CAMK1D: variants seen among roughly 807,000 people sequenced by gnomAD.
CAMK1D encodes the protein calcium/calmodulin-dependent protein kinase type 1D.
A neutral mutation model predicts 47.7 loss-of-function variants in CAMK1D; 9 were observed. The ratio of observed to expected loss-of-function variants is 0.19; its 90% CI spans 0.11 to 0.33. CAMK1D has a LOEUF of 0.33. CAMK1D is among the 10% of genes least tolerant of loss of function. The probability of loss-of-function intolerance (pLI) is 1.00; values close to 1 mark genes in which losing one functional copy is unlikely to be tolerated. For missense variants in CAMK1D, 291 were observed against 488.7 expected (o/e 0.60, Z 3.81); for synonymous variants, 184 against 184.9 (o/e 0.99, Z 0.04).
intron 3 of CAMK1D, among the ~76,000 whole-genome samples, chr10:12,748,926 GA>G: frequency 6.6e-6 from 1 of 152,182 alleles, no homozygotes; most frequent in East Asian, 1.9e-4. Context: ...AACAGATGAA[GA>G]AATCTTAAGG....
chr10:12,791,374 T>A, intron 6 of CAMK1D, 141 bp downstream of exon 6: 1 of 665,940 alleles, frequency 1.5e-6, no homozygotes, highest in Non-Finnish European at 2.6e-6. Flanking sequence ...TACAGTTCAG[T>A]GGCATTAAGT....
At chr10:12,615,940 G>C (rs1357092459) in intron 2 of CAMK1D, among the ~76,000 whole-genome samples, 1 of 151,566 alleles carries the variant, frequency 6.6e-6, no homozygotes, top group Non-Finnish European at 1.5e-5. Flanking sequence ...GTGTTTGCAA[G>C]TGTGTTGGTG....
At chr10:12,606,280 A>G (rs1838459760) in intron 2 of CAMK1D, among the ~76,000 whole-genome samples, 1 of 152,124 alleles carries the variant, frequency 6.6e-6, no homozygotes, top group Non-Finnish European at 1.5e-5. Context: ...CCTACTAGGG[A>G]CAGACAGTTC....
chr10:12,652,607 G>C (rs7906756), intron 2 of CAMK1D, among the ~76,000 whole-genome samples: 2,808 of 151,956 alleles, frequency 0.018, 50 homozygotes, highest in South Asian at 0.11. Flanking sequence ...AAGAAAGAAA[G>C]AAAACTAGGT....
intron 1 of CAMK1D, among the ~76,000 whole-genome samples, chr10:12,454,761 G>A (rs1305327014): frequency 2.0e-5 from 3 of 152,140 alleles, no homozygotes; most frequent in African/African-American, 2.4e-5. Context: ...CTGTGCCTGC[G>A]CTATGTTGCC....
intron 2 of CAMK1D, among the ~76,000 whole-genome samples, chr10:12,595,847 A>T (rs1260988495): frequency 6.6e-6 from 1 of 152,144 alleles, no homozygotes; most frequent in Non-Finnish European, 1.5e-5. Flanking sequence ...GCATTTTTGT[A>T]TTGCACTGGG....
At chr10:12,749,013 ATTAC>A (rs954473965) in intron 3 of CAMK1D, among the ~76,000 whole-genome samples, 1 of 152,120 alleles carries the variant, frequency 6.6e-6, no homozygotes, top group African/African-American at 2.4e-5. Flanking sequence ...TGTTTCTACA[ATTAC>A]TTTAATTAGT....
chr10:12,729,227 G>A (rs574101673), intron 3 of CAMK1D, among the ~76,000 whole-genome samples: 110 of 152,230 alleles, frequency 7.2e-4, no homozygotes, highest in African/African-American at 2.5e-3. Context: ...GCTGTTCTAG[G>A]TTACAAAATT....
At chr10:12,362,068 CA>C (rs1837681633) in intron 1 of CAMK1D, among the ~76,000 whole-genome samples, 2 of 151,972 alleles carry the variant, frequency 1.3e-5, no homozygotes, top group East Asian at 1.9e-4. Context: ...AGACAAAAAA[CA>C]AAAAAGTGTG....
intron 2 of CAMK1D, among the ~76,000 whole-genome samples, chr10:12,597,924 CAAT>C (rs1838192443): frequency 6.6e-6 from 1 of 152,186 alleles, no homozygotes. Context: ...CGTTATCAAA[CAAT>C]AACAGAAAAC....
intron 1 of CAMK1D, among the ~76,000 whole-genome samples, chr10:12,352,780 A>G (rs1234983481): frequency 7.2e-6 from 1 of 139,532 alleles, no homozygotes; most frequent in African/African-American, 2.6e-5. Flanking sequence ...TCTGTTGCCC[A>G]GGCTGGAGTG....
rs569742216 is a variant in CAMK1D at position 12,682,168 on chromosome 10, C to T, written c.299+15358C>T. ...CCGGGAGGCGGAGCTTGCAGTGAGC[C>T]GAGATCGCGTCACTGCACTCCAGCC... On this transcript the variant is annotated intron_variant, in intron 3 of 10. Coordinates refer to ENST00000619168, the MANE Select transcript of CAMK1D (RefSeq NM_153498.4). Among the ~76,000 whole-genome samples, 13 of 152,210 alleles carry T rather than the reference C, an allele frequency of 8.5e-5. No individual in the cohort carries two copies. In the South Asian group the frequency reaches 2.3e-3, roughly 27 times the overall value.
At chr10:12,608,496 G>A (rs1838529280) in intron 2 of CAMK1D, among the ~76,000 whole-genome samples, 1 of 152,200 alleles carries the variant, frequency 6.6e-6, no homozygotes, top group African/African-American at 2.4e-5. Flanking sequence ...CAGCTTTTAA[G>A]TAACAGCTTT....
chr10:12,433,108 C>T (rs1832535582), intron 1 of CAMK1D, among the ~76,000 whole-genome samples: 1 of 152,210 alleles, frequency 6.6e-6, no homozygotes, highest in Admixed American at 6.5e-5. Flanking sequence ...ATAAAGCACA[C>T]ACCAGGTGCT....
At chr10:12,798,945 T>A (rs1838308656) in intron 6 of CAMK1D, among the ~76,000 whole-genome samples, 1 of 151,912 alleles carries the variant, frequency 6.6e-6, no homozygotes. Flanking sequence ...GCATAGATGG[T>A]GAAAAGAACC....
chr10:12,501,004 C>T (rs77058724), intron 1 of CAMK1D, among the ~76,000 whole-genome samples: 19,513 of 152,170 alleles, frequency 0.13, 1,401 homozygotes, highest in Non-Finnish European at 0.17. Context: ...GGCAACGTGC[C>T]AAAGACCTCT....
intron 3 of CAMK1D, among the ~76,000 whole-genome samples, chr10:12,727,136 T>A (rs1834681013): frequency 6.6e-6 from 1 of 152,242 alleles, no homozygotes; most frequent in Non-Finnish European, 1.5e-5. Context: ...GCTGGGGCTT[T>A]ACGGTTTTGT....
At chr10:12,355,113 G>A (rs1202728518) in intron 1 of CAMK1D, among the ~76,000 whole-genome samples, 1 of 152,118 alleles carries the variant, frequency 6.6e-6, no homozygotes, top group African/African-American at 2.4e-5. Flanking sequence ...AAAGTGCTGG[G>A]ATGACAGGCA....
chr10:12,493,547 G>A lies in CAMK1D; in HGVS notation c.93-59678G>A, dbSNP rs139122412. Among the ~76,000 whole-genome samples, 303 of 152,156 alleles carry A rather than the reference G, an allele frequency of 2.0e-3. 1 individual carries two copies. Among genetic ancestry groups the A allele is most frequent in the African/African-American group, 5.2e-3 (216 of 41,512 alleles). On this transcript the variant is annotated intron_variant, in intron 1 of 10. Transcript: ENST00000619168. ...CTCTCTCTGTCACCCGGGCTGGAGT[G>A]CAGTGGCGCAATCTCAGCTTACTGT...
Sources: allele counts gnomAD v4.1 joint callset (sites outside exome capture counted in the v4.1 genomes callset), GRCh38; gene constraint gnomAD v4.1.1; transcripts MANE v1.5; gene names NCBI Gene and HGNC (gene_info 2026-07-23, HGNC 2026-07-21).